Variants in CDH12 observed in about 807,000 individuals in gnomAD.
The protein encoded by CDH12 is cadherin-12.
CDH12 carries 41 observed loss-of-function variants against 74.1 expected under a neutral mutation model. That is an observed-to-expected ratio of 0.55 (90% CI 0.43 to 0.72). The LOEUF (loss-of-function observed/expected upper bound fraction) is 0.72, where lower values mean the gene tolerates loss of function less well. CDH12 is among the 30% of genes least tolerant of loss of function. The probability of loss-of-function intolerance (pLI) is 0.00; values close to 1 mark genes in which losing one functional copy is unlikely to be tolerated. For synonymous variants in CDH12, 399 were observed against 355.0 expected, an observed-to-expected ratio of 1.12 and a Z score of -1.39; for missense variants, 945 against 977.2, an observed-to-expected ratio of 0.97 and a Z score of 0.44.
intron 3 of CDH12, among the ~76,000 whole-genome samples, chr5:22,238,410 A>G (rs1242039379): frequency 1.3e-5 from 2 of 152,196 alleles, no homozygotes; most frequent in Non-Finnish European, 2.9e-5. Context: ...ATGGATAATG[A>G]ACAATCTTGT....
At chr5:22,726,439 C>T (rs963761729) in intron 1 of CDH12, among the ~76,000 whole-genome samples, 2 of 151,632 alleles carry the variant, frequency 1.3e-5, no homozygotes, top group Non-Finnish European at 3.0e-5. Context: ...ATTCATTCAC[C>T]TACTGAAAGA....
chr5:22,601,709 T>C (rs1196804324), intron 1 of CDH12, among the ~76,000 whole-genome samples: 3 of 152,068 alleles, frequency 2.0e-5, no homozygotes, highest in African/African-American at 7.2e-5. Context: ...CCAGATGCGA[T>C]GTTACTCCAT....
chr5:22,639,437 T>G (rs1052647964), intron 1 of CDH12, among the ~76,000 whole-genome samples: 1 of 151,004 alleles, frequency 6.6e-6, no homozygotes, highest in Admixed American at 6.6e-5. Context: ...TTCTTCTTTT[T>G]TTTTTTTTTT....
At chr5:22,080,199 A>T (rs564091672) in intron 4 of CDH12, among the ~76,000 whole-genome samples, 67 of 152,174 alleles carry the variant, frequency 4.4e-4, no homozygotes, top group African/African-American at 1.5e-3. Context: ...AATGTCTATA[A>T]AACATGGTGT....
intron 1 of CDH12, among the ~76,000 whole-genome samples, chr5:22,653,693 A>T (rs1220884910): frequency 6.6e-6 from 1 of 152,128 alleles, no homozygotes; most frequent in Non-Finnish European, 1.5e-5. Flanking sequence ...TAAAAATGCA[A>T]ATTAGATCTT....
In CDH12 at chr5:22,698,299, T is replaced by C. The variant is rs1325946438; in HGVS notation, c.-523+154759A>G. Among the ~76,000 whole-genome samples, 5 of 151,246 alleles carry C rather than the reference T, an allele frequency of 3.3e-5. No individual in the cohort carries two copies. In the East Asian group the frequency reaches 9.8e-4, roughly 30 times the overall value. ...ACCACACTTGGCTAATTTTTGTAAT[T>C]TTAGTAGAGATGGGGTTCACCATGT... On this transcript the variant is annotated intron_variant, in intron 1 of 14. Transcript: ENST00000382254.
At chr5:22,659,613 C>T (rs1439980219) in intron 1 of CDH12, among the ~76,000 whole-genome samples, 2 of 152,014 alleles carry the variant, frequency 1.3e-5, no homozygotes, top group Admixed American at 1.3e-4. Flanking sequence ...ACCACTTTAT[C>T]ACTTTGAGCA....
At chr5:22,529,997 G>A (rs1487046786) in intron 1 of CDH12, among the ~76,000 whole-genome samples, 2 of 152,050 alleles carry the variant, frequency 1.3e-5, no homozygotes, top group African/African-American at 2.4e-5. Context: ...TTAAAATAAT[G>A]AAATTAAGCT....
intron 1 of CDH12, among the ~76,000 whole-genome samples, chr5:22,679,565 G>T (rs1033186685): frequency 1.3e-5 from 2 of 152,080 alleles, no homozygotes; most frequent in Non-Finnish European, 2.9e-5. Context: ...ATTATTAACA[G>T]TGATGTGTCC....
At chr5:22,121,819 C>T (rs1253953155) in intron 4 of CDH12, among the ~76,000 whole-genome samples, 1 of 152,156 alleles carries the variant, frequency 6.6e-6, no homozygotes, top group East Asian at 1.9e-4. Context: ...TTACCAAGCC[C>T]TCTGGAAAAC....
intron 3 of CDH12, among the ~76,000 whole-genome samples, chr5:22,306,465 T>C (rs1045118629): frequency 3.3e-5 from 5 of 152,162 alleles, no homozygotes; most frequent in Non-Finnish European, 7.3e-5. Flanking sequence ...AAATGACATA[T>C]TTTAGTCACA....
chr5:22,770,882 A>C (rs1746770879), intron 1 of CDH12, among the ~76,000 whole-genome samples: 1 of 152,092 alleles, frequency 6.6e-6, no homozygotes, highest in South Asian at 2.1e-4. Flanking sequence ...CAATAGTGAT[A>C]AAGTGAAAAT....
At chr5:22,332,176 C>T (rs1489652679) in intron 3 of CDH12, among the ~76,000 whole-genome samples, 2 of 152,092 alleles carry the variant, frequency 1.3e-5, no homozygotes, top group Non-Finnish European at 2.9e-5. Context: ...GAACACCCAG[C>T]AGATGTACCC....
intron 5 of CDH12, among the ~76,000 whole-genome samples, chr5:22,069,443 G>A (rs184412583): frequency 1.3e-5 from 2 of 152,256 alleles, no homozygotes. Context: ...CAAGCCAGAA[G>A]TGACTGGTCT....
chr5:22,179,425 G>T (rs1183727791), intron 4 of CDH12, among the ~76,000 whole-genome samples: 2 of 152,054 alleles, frequency 1.3e-5, no homozygotes, highest in African/African-American at 2.4e-5. Context: ...TGTCTTAAAA[G>T]CAATTAAATT....
At chr5:21,774,964 C>T (rs1282911172) in intron 11 of CDH12, among the ~76,000 whole-genome samples, 3 of 152,106 alleles carry the variant, frequency 2.0e-5, no homozygotes, top group Non-Finnish European at 4.4e-5. Context: ...ACTCAGGGAG[C>T]TTGTTTGAAA....
chr5:22,765,456 T>G (rs72748743), intron 1 of CDH12, among the ~76,000 whole-genome samples: 41,000 of 151,614 alleles, frequency 0.27, 6,334 homozygotes, highest in South Asian at 0.36. Flanking sequence ...ATCTCTCTTT[T>G]GGCCTGTACA....
intron 5 of CDH12, among the ~76,000 whole-genome samples, chr5:22,059,653 TATCTC>T (rs1267533867): frequency 6.6e-6 from 1 of 152,168 alleles, no homozygotes; most frequent in Non-Finnish European, 1.5e-5. Context: ...CATTTTTAAT[TATCTC>T]ATATTATTTA....
At chr5:21,900,385 C>A (rs979184265) in intron 6 of CDH12, among the ~76,000 whole-genome samples, 7 of 152,140 alleles carry the variant, frequency 4.6e-5, no homozygotes, top group Non-Finnish European at 8.8e-5. Flanking sequence ...ATAATACAAT[C>A]TATATATGAC....
Sources: gnomAD v4.1 joint callset for allele counts (sites outside exome capture counted in the v4.1 genomes callset) on GRCh38, gnomAD v4.1.1 for gene constraint, MANE v1.5 for transcripts, NCBI Gene and HGNC (gene_info 2026-07-23, HGNC 2026-07-21) for gene names.